DLC1: variants seen among roughly 807,000 people sequenced by gnomAD.
The protein encoded by DLC1 is DLC1 Rho GTPase activating protein.
DLC1 carries 54 observed loss-of-function variants against 140.3 expected under a neutral mutation model. That is an observed-to-expected ratio of 0.38 (90% CI 0.31 to 0.48). The LOEUF (loss-of-function observed/expected upper bound fraction) is 0.48, where lower values mean the gene tolerates loss of function less well. Ranked by LOEUF, DLC1 falls within the 20% of genes least tolerant of loss-of-function variation. The probability of loss-of-function intolerance (pLI) is 0.96; values close to 1 mark genes in which losing one functional copy is unlikely to be tolerated. For synonymous variants in DLC1, 986 were observed against 728.1 expected (o/e 1.35, Z -5.70); for missense variants, 2,536 against 1,907.0 (o/e 1.33, Z -6.14).
intron 2 of DLC1, among the ~76,000 whole-genome samples, chr8:13,423,372 G>A (rs1838405477): frequency 6.6e-6 from 1 of 152,042 alleles, no homozygotes; most frequent in African/African-American, 2.4e-5. Flanking sequence ...GCCCTTATTT[G>A]TTTCAAGGTG....
intron 4 of DLC1, among the ~76,000 whole-genome samples, chr8:13,330,892 T>C (rs1463960982): frequency 6.6e-6 from 1 of 152,206 alleles, no homozygotes; most frequent in Admixed American, 6.5e-5. Context: ...GCCTTATAGG[T>C]AGGTGTTCCA....
chr8:13,144,933 T>G (rs1027250126), intron 5 of DLC1, among the ~76,000 whole-genome samples: 7 of 152,236 alleles, frequency 4.6e-5, no homozygotes, highest in African/African-American at 1.7e-4. Context: ...TGATTGCTAT[T>G]GTTTTAAGCC....
intron 2 of DLC1, among the ~76,000 whole-genome samples, chr8:13,415,587 G>C (rs1055084660): frequency 1.3e-5 from 2 of 152,010 alleles, no homozygotes; most frequent in Non-Finnish European, 1.5e-5. Context: ...TTTTAGTAGA[G>C]ATGGGGTTTC....
At chr8:13,185,417 C>G (rs1435144353) in intron 5 of DLC1, among the ~76,000 whole-genome samples, 5 of 151,806 alleles carry the variant, frequency 3.3e-5, no homozygotes. Context: ...ATGCCATTCT[C>G]CTGCCTCAGC....
intron 5 of DLC1, among the ~76,000 whole-genome samples, chr8:13,192,310 A>G (rs1280247721): frequency 6.6e-6 from 1 of 152,114 alleles, no homozygotes; most frequent in African/African-American, 2.4e-5. Flanking sequence ...ATGCTGTGCA[A>G]TTTTGGGTGA....
At chr8:13,229,713 A>G (rs944797697) in intron 5 of DLC1, among the ~76,000 whole-genome samples, 4 of 152,122 alleles carry the variant, frequency 2.6e-5, no homozygotes, top group African/African-American at 9.7e-5. Flanking sequence ...ATTGTATGTG[A>G]CATTTCTGCC....
intron 9 of DLC1, among the ~76,000 whole-genome samples, chr8:13,099,034 T>C (rs936456431): frequency 2.0e-5 from 3 of 152,144 alleles, no homozygotes; most frequent in Non-Finnish European, 2.9e-5. Context: ...TGGGAAAATA[T>C]ACACAATATA....
chr8:13,235,998 ATAAT>A (rs1234047940), intron 5 of DLC1, among the ~76,000 whole-genome samples: 2 of 151,856 alleles, frequency 1.3e-5, no homozygotes, highest in East Asian at 1.9e-4. Flanking sequence ...AAAAAAAACT[ATAAT>A]TAAGATATTA....
At chr8:13,246,057 T>G (rs17127636) in intron 5 of DLC1, among the ~76,000 whole-genome samples, 28,419 of 151,978 alleles carry the variant, frequency 0.19, 2,933 homozygotes, top group African/African-American at 0.27. Context: ...TGAAGAAAAG[T>G]ATAAAACATG....
intron 5 of DLC1, among the ~76,000 whole-genome samples, chr8:13,240,104 T>C (rs1301571866): frequency 6.6e-6 from 1 of 152,050 alleles, no homozygotes; most frequent in Non-Finnish European, 1.5e-5. Context: ...CATGGAAACT[T>C]CCACAGGAAC....
chr8:13,143,101 G>A (rs17126052), intron 5 of DLC1, among the ~76,000 whole-genome samples: 32,088 of 150,664 alleles, frequency 0.21, 3,708 homozygotes, highest in East Asian at 0.34. Context: ...ATATTGGTGG[G>A]TGCAAGCCCA....
At chr8:13,555,444 A>G (rs1324311156) in intron 1 of DLC1, among the ~76,000 whole-genome samples, 3 of 152,168 alleles carry the variant, frequency 2.0e-5, no homozygotes, top group Non-Finnish European at 4.4e-5. Flanking sequence ...AATTAGACAG[A>G]AATGAATAGG....
chr8:13,469,151 G>C (rs576200969), intron 2 of DLC1, among the ~76,000 whole-genome samples: 1 of 152,166 alleles, frequency 6.6e-6, no homozygotes, highest in South Asian at 2.1e-4. Context: ...ATTTTTGCTT[G>C]TATCTTAATA....
At chr8:13,581,150 T>A (rs558657985) in intron 1 of DLC1, among the ~76,000 whole-genome samples, 8 of 152,188 alleles carry the variant, frequency 5.3e-5, no homozygotes, top group Admixed American at 5.2e-4. Flanking sequence ...GCCTGGGAGA[T>A]CTCATTCAGT....
At position 13,088,650 on chromosome 8, in the gene DLC1, C is replaced by G; in HGVS notation, c.4129G>C (p.Val1377Leu). ...LWRSVIEVPAVPEEILKRLLK... is the reference protein window; with the variant it reads ...LWRSVIEVPALPEEILKRLLK... ...AGGCGCTTTAAGATTTCCTCTGGCACAGCAGGGACTTCAATGACTGACCTC... is the reference window on the plus strand; with the variant it reads ...AGGCGCTTTAAGATTTCCTCTGGCAGAGCAGGGACTTCAATGACTGACCTC... The change falls in exon 16 of 18, where the codon GTG (valine) becomes CTG (leucine). Residue 1377 changes from valine to leucine, a missense_variant. Transcript: ENST00000276297. 1 of 1,614,142 alleles carries G rather than the reference C, an allele frequency of 6.2e-7. No homozygotes were observed.
chr8:13,143,616 G>C (rs1823182030), intron 5 of DLC1, among the ~76,000 whole-genome samples: 2 of 110,100 alleles, frequency 1.8e-5, no homozygotes, highest in Admixed American at 2.0e-4. Flanking sequence ...CCATCACCCT[G>C]GTTGATTTTT....
chr8:13,295,938 CTTTGTTTTTTT>C (rs1272842635), intron 5 of DLC1, among the ~76,000 whole-genome samples: 10 of 53,346 alleles, frequency 1.9e-4, no homozygotes, highest in South Asian at 1.5e-3. Flanking sequence ...AGATAAGATT[CTTTGTTTTTTT>C]TTTTTTTTTT....
At chr8:13,365,599 A>C (rs1438981000) in intron 4 of DLC1, among the ~76,000 whole-genome samples, 3 of 152,106 alleles carry the variant, frequency 2.0e-5, no homozygotes, top group Non-Finnish European at 4.4e-5. Flanking sequence ...TGCTTAATGA[A>C]GCACTTACAG....
At position 13,603,215 on chromosome 8, in the gene DLC1, G is replaced by T. The variant is rs542916374; in HGVS notation, c.-126+1322C>A. Among the ~76,000 whole-genome samples the T allele has an allele frequency of 3.3e-5, 5 of 151,780 alleles. No individual in the cohort carries two copies. The East Asian group carries it at 7.7e-4, about 23-fold the overall frequency. The stretch of plus-strand genomic sequence containing the variant: ...ATTTCTATGTAGTGTTTCTAACATC[G>T]TGATGTTAGACATCATTAACTATGA... On this transcript the variant is annotated intron_variant, in intron 1 of 1. Transcript: ENST00000631382.
Sources: gnomAD v4.1 joint callset for allele counts (sites outside exome capture counted in the v4.1 genomes callset) on GRCh38, gnomAD v4.1.1 for gene constraint, MANE v1.5 for transcripts, NCBI Gene and HGNC (gene_info 2026-07-23, HGNC 2026-07-21) for gene names.